The following F8 variants were observed in gnomAD, a reference collection of about 807,000 sequenced individuals.
The protein encoded by F8 is coagulation factor VIII.
F8 carries 12 observed loss-of-function variants against 140.6 expected under a neutral mutation model. That is an observed-to-expected ratio of 0.09 (90% CI 0.05 to 0.14). F8 has a LOEUF of 0.14. Ranked by LOEUF, F8 falls within the 10% of genes least tolerant of loss-of-function variation. The pLI, the probability that F8 is intolerant of heterozygous loss-of-function variation, is 1.00. For synonymous variants in F8, 585 were observed against 614.6 expected, an observed-to-expected ratio of 0.95 and a Z score of 0.71; for missense variants, 1,354 against 1,720.7, an observed-to-expected ratio of 0.79 and a Z score of 3.77.
intron 11 of F8, 93 bp from the exon 12 acceptor site, chrX:154,954,135 G>A: frequency 1.1e-6 from 1 of 893,228 alleles, no homozygotes; most frequent in Admixed American, 2.2e-5. Context: ...TGGCATGCAT[G>A]TGATATATCT....
chrX:155,022,382 G>C, intron 1 of F8, 28 bp downstream of exon 1: 1 of 1,202,499 alleles, frequency 8.3e-7, no homozygotes, highest in Non-Finnish European at 1.1e-6. Flanking sequence ...TCCTGGCCCC[G>C]ATCAGACCCT....
rs1472961558 is a variant in F8, at chrX:154,982,149, A to C, written c.787+2538T>G. Among the ~76,000 whole-genome samples the C allele has an allele frequency of 3.7e-5, 4 of 108,404 alleles. 1 individual carries two copies. Among genetic ancestry groups the C allele is most frequent in the South Asian group, 8.1e-4 (2 of 2,459 alleles). 94.1% of individuals were successfully genotyped at this position (108,404 alleles called of 115,157 possible). A position where few individuals can be genotyped will look rare whatever the true frequency, so the allele number is the denominator to read the frequency against. On this transcript the variant is annotated intron_variant, in intron 6 of 25. Coordinates refer to ENST00000360256, the MANE Select transcript of F8 (RefSeq NM_000132.4). ...CAGTGAGCTCAGATTGTGCCACTGC[A>C]CTCCAGCCTGGGTGACAGAACAAGA...
chrX:154,980,825 G>C (rs979004036), intron 6 of F8, among the ~76,000 whole-genome samples: 3 of 111,477 alleles, frequency 2.7e-5, no homozygotes, highest in African/African-American at 9.8e-5. Context: ...CGAAAATTTA[G>C]CCAGGCATAG....
chrX:154,917,147 T>C (rs1178513964), intron 14 of F8, among the ~76,000 whole-genome samples: 2 of 112,198 alleles, frequency 1.8e-5, no homozygotes, highest in African/African-American at 6.5e-5. Flanking sequence ...AGATACTTAA[T>C]ATAATTTTAT....
At chrX:154,887,663 AT>A in intron 22 of F8, 1 of 627,181 alleles carries the variant, frequency 1.6e-6, no homozygotes, top group Non-Finnish European at 2.2e-6. Flanking sequence ...TACTGCCGCC[AT>A]AGGAATTATT....
At chrX:154,868,417 G>A (rs2072747469) in intron 22 of F8, among the ~76,000 whole-genome samples, 1 of 111,967 alleles carries the variant, frequency 8.9e-6, no homozygotes, top group South Asian at 3.7e-4. Context: ...GGACAGCCAT[G>A]CAGAACTGTG....
chrX:154,999,089 C>T (rs1557285358), intron 2 of F8, among the ~76,000 whole-genome samples: 1 of 110,563 alleles, frequency 9.0e-6, no homozygotes, highest in African/African-American at 3.3e-5. Flanking sequence ...GGAGGTGAGT[C>T]AGGGCCTAAG....
intron 22 of F8, among the ~76,000 whole-genome samples, chrX:154,895,458 G>C (rs191814131): frequency 1.6e-3 from 180 of 112,069 alleles, no homozygotes; most frequent in African/African-American, 5.6e-3. Context: ...GACTAGTTAG[G>C]AATGTAATAC....
chrX:154,940,853 C>T (rs1297161160), intron 13 of F8, among the ~76,000 whole-genome samples: 20 of 111,946 alleles, frequency 1.8e-4, no homozygotes, highest in Non-Finnish European at 1.5e-4. Context: ...AGAGTGGGGG[C>T]CAACATTCAA....
chrX:154,958,351 T>C (rs1227848951), intron 10 of F8, among the ~76,000 whole-genome samples: 1 of 111,866 alleles, frequency 8.9e-6, no homozygotes, highest in African/African-American at 3.3e-5. Flanking sequence ...TTCAACAGTA[T>C]TCACTTGTTA....
At position 154,836,674 on chromosome X, in the gene F8, T is replaced by C. The variant is rs2072478017; in HGVS notation, c.*923A>G. ...CTCAGATAACCATGGATTTTCCTCA[T>C]ATTTCCACAGAAATATTAAATGTAT... is the stretch of plus-strand genomic sequence containing the variant. On this transcript the variant is annotated 3_prime_UTR_variant, in exon 26 of 26. Coordinates refer to ENST00000360256, the MANE Select transcript of F8 (RefSeq NM_000132.4). 8.9e-6 allele frequency: 1 copy of C among 112,101 alleles called. No individual in the cohort carries two copies. The highest frequency in any genetic ancestry group is 1.9e-5 in the Non-Finnish European group (1 of 53,257). 9.2% of individuals were successfully genotyped at this position (112,101 alleles called of 1,213,427 possible).
Position 154,930,456 on chromosome X carries a change from C to G in F8, c.3334G>C (p.Asp1112His). The G allele has an allele frequency of 1.7e-6, 2 of 1,211,265 alleles. No individual in the cohort carries two copies. Among genetic ancestry groups the G allele is most frequent in the South Asian group, 3.5e-5 (2 of 56,971 alleles). Residue 1112 changes from aspartate (D) to histidine (H), a missense_variant, in exon 14 of 26, where the codon GAT becomes CAT. Coordinates refer to ENST00000360256, the MANE Select transcript of F8 (RefSeq NM_000132.4). ...GPIPPDAQNP[D>H]MSFFKMLFLP... ...AATAGCATCTTAAAGAACGACATAT[C>G]TGGATTTTGTGCATCTGGTGGAATG...
intron 1 of F8, among the ~76,000 whole-genome samples, chrX:155,014,668 T>C (rs1187495595): frequency 8.9e-6 from 1 of 112,497 alleles, no homozygotes; most frequent in Admixed American, 9.4e-5. Flanking sequence ...ATAAAAATGA[T>C]ACAATTAACA....
intron 25 of F8, among the ~76,000 whole-genome samples, chrX:154,851,011 C>T (rs782481645): frequency 7.2e-4 from 81 of 112,250 alleles, no homozygotes; most frequent in South Asian, 7.0e-3. Flanking sequence ...CAGAACATTT[C>T]TATAACCCCA....
chrX:154,861,862 G>A lies in F8; in HGVS notation c.6579C>T (p.Cys2193=), dbSNP rs781957923. Residue 2193 remains cysteine (C), a synonymous_variant, in exon 24 of 26, where the codon TGC becomes TGT. Coordinates refer to ENST00000360256, the MANE Select transcript of F8 (RefSeq NM_000132.4). ...TACTCTCCATTCCCAATGGCATGCT[G>A]CAACCTCAAAGAAAAGAAAAAAGAA... ...MELMGCDLNS[C]SMPLGMESKA... 1.7e-6 allele frequency: 2 copies of A among 1,211,135 alleles called. No individual in the cohort carries two copies. The highest frequency in any genetic ancestry group is 2.2e-5 in the Admixed American group (1 of 46,009).
At chrX:154,870,651 C>T (rs782689446) in intron 22 of F8, among the ~76,000 whole-genome samples, 6 of 111,830 alleles carry the variant, frequency 5.4e-5, no homozygotes, top group African/African-American at 1.6e-4. Context: ...CAGGGATGCC[C>T]TCTCTCACCA....
intron 6 of F8, among the ~76,000 whole-genome samples, chrX:154,969,912 C>G (rs2073447064): frequency 8.9e-6 from 1 of 111,881 alleles, no homozygotes; most frequent in Non-Finnish European, 1.9e-5. Context: ...TCTTCTGGAA[C>G]TCCAGGCTCA....
intron 22 of F8, among the ~76,000 whole-genome samples, chrX:154,872,800 CA>C (rs1306104186): frequency 1.1e-4 from 12 of 110,445 alleles, no homozygotes; most frequent in Middle Eastern, 4.8e-3. Context: ...TCTAAAGACT[CA>C]AAAAAAAATT....
intron 14 of F8, among the ~76,000 whole-genome samples, chrX:154,924,907 C>A (rs1161562210): frequency 4.5e-5 from 5 of 112,132 alleles, no homozygotes; most frequent in African/African-American, 1.6e-4. Context: ...AAGGCACCGA[C>A]TCCCTAGGCT....
Sources: allele counts gnomAD v4.1 joint callset (sites outside exome capture counted in the v4.1 genomes callset), GRCh38; gene constraint gnomAD v4.1.1; transcripts MANE v1.5; gene names NCBI Gene and HGNC (gene_info 2026-07-23, HGNC 2026-07-21).